SLIT2: variants seen among roughly 807,000 people sequenced by gnomAD.
The protein encoded by SLIT2 is slit homolog 2 protein.
Under a neutral mutation model 185.7 loss-of-function variants are expected in SLIT2, and 41 were observed. The observed-to-expected ratio is 0.22, with a 90% CI of 0.17 to 0.29. SLIT2 has a LOEUF of 0.29. Ranked by LOEUF, SLIT2 falls within the 10% of genes least tolerant of loss-of-function variation. The pLI, the probability that SLIT2 is intolerant of heterozygous loss-of-function variation, is 1.00. For synonymous variants in SLIT2, 693 were observed against 680.2 expected, an observed-to-expected ratio of 1.02 and a Z score of -0.29; for missense variants, 1,571 against 1,909.0, an observed-to-expected ratio of 0.82 and a Z score of 3.30.
intron 4 of SLIT2, among the ~76,000 whole-genome samples, chr4:20,388,663 A>G (rs1447626655): frequency 6.6e-6 from 1 of 151,566 alleles, no homozygotes; most frequent in Non-Finnish European, 1.5e-5. Context: ...AGTCCCAACT[A>G]CTTGGGAGGC....
rs143295679 is a variant in SLIT2 at position 20,387,988 on chromosome 4, G to A, written c.396-79764G>A. ...AATAAACTAAAAAACAAAAAAACAC[G>A]TTTCATCTCTATACATGTAGAAAAA... is the stretch of plus-strand genomic sequence containing the variant. On this transcript the variant is annotated intron_variant, in intron 4 of 36. Transcript: ENST00000504154. Among the ~76,000 whole-genome samples, 1,125 of 149,464 alleles carry A rather than the reference G, an allele frequency of 7.5e-3. 22 individuals carry two copies. Among genetic ancestry groups the A allele is most frequent in the African/African-American group, 0.026 (1,043 of 40,332 alleles).
At chr4:20,287,628 A>C (rs1234131753) in intron 4 of SLIT2, among the ~76,000 whole-genome samples, 7 of 152,158 alleles carry the variant, frequency 4.6e-5, no homozygotes, top group Admixed American at 2.0e-4. Context: ...TGGAGGGTTT[A>C]ATCTGAGCCT....
At chr4:20,539,294 T>A (rs1722589128) in intron 18 of SLIT2, 147 bp from the exon 19 acceptor site, 1 of 647,128 alleles carries the variant, frequency 1.5e-6, no homozygotes, top group Non-Finnish European at 2.6e-6. Context: ...CCAGTATATA[T>A]TCATAGCAAT....
intron 4 of SLIT2, among the ~76,000 whole-genome samples, chr4:20,336,040 A>G (rs1005514448): frequency 2.6e-5 from 4 of 152,134 alleles, no homozygotes; most frequent in Non-Finnish European, 5.9e-5. Context: ...AAAACCTACC[A>G]AGTTATATTC....
chr4:20,476,550 A>C (rs1218511282), intron 5 of SLIT2, among the ~76,000 whole-genome samples: 3 of 152,134 alleles, frequency 2.0e-5, no homozygotes, highest in Admixed American at 6.6e-5. Flanking sequence ...TTGACTTAGA[A>C]ATTATTAAAG....
chr4:20,597,780 C>A (rs1728102977), intron 32 of SLIT2, among the ~76,000 whole-genome samples: 1 of 152,136 alleles, frequency 6.6e-6, no homozygotes, highest in Admixed American at 6.5e-5. Flanking sequence ...GATGTTGGGG[C>A]TTAAGTCTTA....
chr4:20,570,739 A>G (rs566433677), intron 29 of SLIT2, among the ~76,000 whole-genome samples: 2,570 of 121,678 alleles, frequency 0.021, 89 homozygotes, highest in African/African-American at 0.09. Flanking sequence ...ATGTATATAT[A>G]TATATATATA....
At chr4:20,596,736 A>G (rs945396714) in intron 32 of SLIT2, 81 bp downstream of exon 32, 8 of 1,389,684 alleles carry the variant, frequency 5.8e-6, no homozygotes, top group Admixed American at 3.8e-5. Context: ...TAGCTTCTGA[A>G]TGATTGATAG....
intron 4 of SLIT2, among the ~76,000 whole-genome samples, chr4:20,344,316 T>C (rs1036316496): frequency 1.6e-4 from 25 of 152,114 alleles, no homozygotes; most frequent in South Asian, 6.2e-4. Context: ...TTCTCTGGGA[T>C]TGGGGAAGTG....
intron 21 of SLIT2, among the ~76,000 whole-genome samples, chr4:20,545,108 A>G (rs1029881204): frequency 2.4e-4 from 36 of 152,110 alleles, no homozygotes; most frequent in Admixed American, 2.6e-4. Context: ...AGCTATTTCT[A>G]TATCCAGAAA....
At chr4:20,326,270 C>CG (rs1466771149) in intron 4 of SLIT2, among the ~76,000 whole-genome samples, 2 of 152,064 alleles carry the variant, frequency 1.3e-5, no homozygotes, top group Admixed American at 6.6e-5. Context: ...TTCTCAGACT[C>CG]TATCTACTGT....
chr4:20,317,986 A>G (rs1718742263), intron 4 of SLIT2, among the ~76,000 whole-genome samples: 1 of 152,118 alleles, frequency 6.6e-6, no homozygotes, highest in African/African-American at 2.4e-5. Context: ...TTTTAATTTA[A>G]TGATGTGCTA....
intron 11 of SLIT2, among the ~76,000 whole-genome samples, chr4:20,512,076 A>G (rs1719806922): frequency 6.6e-6 from 1 of 152,196 alleles, no homozygotes; most frequent in Admixed American, 6.5e-5. Flanking sequence ...GAAGTCCACC[A>G]AGTAACCTTT....
intron 4 of SLIT2, among the ~76,000 whole-genome samples, chr4:20,426,795 G>A (rs1455270630): frequency 6.6e-6 from 1 of 152,146 alleles, no homozygotes; most frequent in Non-Finnish European, 1.5e-5. Context: ...GATAAGTAGT[G>A]CATATGGGCT....
Position 20,528,230 on chromosome 4 carries a change from C to T in SLIT2, c.1463-719C>T, listed in dbSNP as rs772879343. ...CGTCTGTAGCTTTTCTCCTCCTTCC[C>T]TCCATTTTCCTCTTGGTCTTACCTT... is the stretch of plus-strand genomic sequence containing the variant. On this transcript the variant is annotated intron_variant, in intron 15 of 36. Coordinates refer to ENST00000504154, the MANE Select transcript of SLIT2 (RefSeq NM_004787.4). This position sits in a 1 kb window ranked among gnomAD's most constrained non-coding sequence, Gnocchi z 4.2. 2.1e-5 allele frequency: 11 copies of T among 533,464 alleles called. No individual in the cohort carries two copies. The highest frequency in any genetic ancestry group is 9.6e-5 in the African/African-American group (5 of 51,902). The allele number at this position is 533,464 out of a possible 1,614,324, so 33.0% of individuals were successfully genotyped here.
chr4:20,489,046 G>A, intron 8 of SLIT2, 64 bp downstream of exon 8: 6 of 1,331,396 alleles, frequency 4.5e-6, no homozygotes, highest in Non-Finnish European at 5.3e-6. Context: ...CAGAATGTGA[G>A]GGCTGCATGC....
chr4:20,613,810 A>T (rs1472923458), intron 34 of SLIT2, among the ~76,000 whole-genome samples: 1 of 152,168 alleles, frequency 6.6e-6, no homozygotes, highest in Non-Finnish European at 1.5e-5. Context: ...GAGTATATGG[A>T]GAGGCAGCTT....
chr4:20,298,134 G>C (rs751454032), intron 4 of SLIT2, among the ~76,000 whole-genome samples: 1 of 151,308 alleles, frequency 6.6e-6, no homozygotes, highest in Non-Finnish European at 1.5e-5. Context: ...TGCTGCCCGG[G>C]CTGGAGTGCA....
intron 4 of SLIT2, among the ~76,000 whole-genome samples, chr4:20,298,150 G>A (rs1338846490): frequency 7.9e-5 from 12 of 151,010 alleles, no homozygotes; most frequent in Admixed American, 2.0e-4. Flanking sequence ...GTGCAATGGC[G>A]TAATCTCGGC....
Sources: gnomAD v4.1 joint callset for allele counts (sites outside exome capture counted in the v4.1 genomes callset) on GRCh38, gnomAD v4.1.1 for gene constraint, Gnocchi (gnomAD v3.1) non-coding constraint, MANE v1.5 for transcripts, NCBI Gene and HGNC (gene_info 2026-07-23, HGNC 2026-07-21) for gene names.